The following LYPLAL1 variants were observed in gnomAD, a reference collection of about 807,000 sequenced individuals.
LYPLAL1 encodes the protein lysophospholipase-like protein 1.
A neutral mutation model predicts 19.7 loss-of-function variants in LYPLAL1; 23 were observed. The ratio of observed to expected loss-of-function variants is 1.17; its 90% CI spans 0.84 to 1.65. The LOEUF is 1.65. Ranked by LOEUF, LYPLAL1 falls within the 40% of genes most tolerant of loss-of-function variation. LYPLAL1 has a pLI of 0.00. For missense variants in LYPLAL1, 355 were observed against 279.4 expected (o/e 1.27, Z -1.93); for synonymous variants, 119 against 96.3 (o/e 1.24, Z -1.38).
the LYPLAL1 span, among the ~76,000 whole-genome samples, chr1:219,387,076 C>T: frequency 6.6e-6 from 1 of 152,076 alleles, no homozygotes; most frequent in Non-Finnish European, 1.5e-5. Flanking sequence ...TCTCAAAATC[C>T]TGCATAATCT....
Position 219,190,395 on chromosome 1 carries a change from T to C in LYPLAL1, c.192-2687T>C, listed in dbSNP as rs1657060494. Among the ~76,000 whole-genome samples the C allele has an allele frequency of 3.3e-5, 5 of 151,602 alleles. No individual in the cohort carries two copies. In the South Asian group the frequency reaches 1.0e-3, roughly 31 times the overall value. ...ATAGCACAAGCACAATTGACTATCA[T>C]ATGGGATAAAATGAATTTGAATCCT... On this transcript the variant is annotated intron_variant, in intron 2 of 4. Coordinates refer to ENST00000366928, the MANE Select transcript of LYPLAL1 (RefSeq NM_138794.5).
the LYPLAL1 span, among the ~76,000 whole-genome samples, chr1:219,337,428 T>C: frequency 6.6e-6 from 1 of 152,036 alleles, no homozygotes; most frequent in African/African-American, 2.4e-5. Flanking sequence ...AAACACATAG[T>C]GTAACCCATA....
Position 219,211,590 on chromosome 1 carries a change from A to G in LYPLAL1, c.576A>G (p.Ser192=), listed in dbSNP as rs1659048462. The G allele has an allele frequency of 6.2e-7, 1 of 1,613,306 alleles. No homozygotes were observed. The highest frequency in any genetic ancestry group is 8.5e-7 in the Non-Finnish European group (1 of 1,179,530). ...ATTCTTGGGCAGAAGAGACAAACTC[A>G]ATGTTAAAATCTCTAGGAGTGACCA... ...VLHSWAEETN[S]MLKSLGVTTK... Residue 192 remains serine (S), a synonymous_variant, in exon 5 of 5, where the codon TCA becomes TCG. Coordinates refer to ENST00000366928, the MANE Select transcript of LYPLAL1 (RefSeq NM_138794.5).
At chr1:219,186,941 T>A (rs554785879) in intron 2 of LYPLAL1, among the ~76,000 whole-genome samples, 1 of 151,926 alleles carries the variant, frequency 6.6e-6, no homozygotes, top group East Asian at 1.9e-4. Context: ...TTATTCGTTT[T>A]TTAATACACC....
At chr1:219,374,387 C>G in the LYPLAL1 span, among the ~76,000 whole-genome samples, 1 of 151,978 alleles carries the variant, frequency 6.6e-6, no homozygotes, top group Admixed American at 6.6e-5. Context: ...ACGTCCAGTG[C>G]CTGGGACCTA....
At chr1:219,282,299 T>A in the LYPLAL1 span, among the ~76,000 whole-genome samples, 1 of 150,846 alleles carries the variant, frequency 6.6e-6, no homozygotes, top group African/African-American at 2.4e-5. Context: ...AGAACAAAAA[T>A]TAAAGAAGAG....
chr1:219,212,544 A>G lies in LYPLAL1; in HGVS notation c.*816A>G. 1 of 152,172 alleles carries G rather than the reference A, an allele frequency of 6.6e-6. No homozygotes were observed. The highest frequency in any genetic ancestry group is 2.4e-5 in the African/African-American group (1 of 41,542). The allele number at this position is 152,172 out of a possible 1,614,324, so 9.4% of individuals were successfully genotyped here. On this transcript the variant is annotated 3_prime_UTR_variant, in exon 5 of 5. Transcript: ENST00000366928. Reference sequence around the variant, plus strand: ...TTACTTCAATGAAAATACTATAAATAATAACATTTTCATATATTAGTTGGT... The same window carrying G: ...TTACTTCAATGAAAATACTATAAATGATAACATTTTCATATATTAGTTGGT...
intron 1 of LYPLAL1, among the ~76,000 whole-genome samples, chr1:219,177,519 C>CA (rs1361345464): frequency 1.3e-5 from 2 of 152,162 alleles, no homozygotes; most frequent in African/African-American, 2.4e-5. Context: ...ACCTCACACT[C>CA]AACCTGTGTA....
chr1:219,300,464 A>T, the LYPLAL1 span, among the ~76,000 whole-genome samples: 2 of 151,958 alleles, frequency 1.3e-5, no homozygotes, highest in African/African-American at 4.8e-5. Flanking sequence ...ACAGGTGGAA[A>T]AGAGATTTAT....
chr1:219,426,414 C>T, the LYPLAL1 span, among the ~76,000 whole-genome samples: 1 of 152,042 alleles, frequency 6.6e-6, no homozygotes, highest in Admixed American at 6.6e-5. Context: ...AATTGTATGA[C>T]TGAGATTTTG....
downstream of LYPLAL1, among the ~76,000 whole-genome samples, chr1:219,217,137 T>C (rs1659317677): frequency 6.6e-6 from 1 of 152,174 alleles, no homozygotes; most frequent in South Asian, 2.1e-4. Context: ...ATGTTTTATC[T>C]TGACCATATT....
the LYPLAL1 span, among the ~76,000 whole-genome samples, chr1:219,285,694 G>C: frequency 6.6e-6 from 1 of 152,222 alleles, no homozygotes; most frequent in African/African-American, 2.4e-5. Flanking sequence ...TAGTAGATCA[G>C]TCGTTGCCTT....
chr1:219,230,256 GC>G, the LYPLAL1 span, among the ~76,000 whole-genome samples: 16 of 152,244 alleles, frequency 1.1e-4, no homozygotes, highest in South Asian at 2.9e-3. Flanking sequence ...GGGACTACAG[GC>G]GCCTGCTACC....
the LYPLAL1 span, among the ~76,000 whole-genome samples, chr1:219,332,043 G>A: frequency 1.3e-5 from 2 of 152,166 alleles, no homozygotes; most frequent in Non-Finnish European, 2.9e-5. Flanking sequence ...ATTTTACAGA[G>A]ATTTGTAAAT....
the LYPLAL1 span, among the ~76,000 whole-genome samples, chr1:219,363,864 A>G: frequency 6.6e-6 from 1 of 152,266 alleles, no homozygotes; most frequent in Non-Finnish European, 1.5e-5. Flanking sequence ...TACACAGTTT[A>G]GTGGGGAAAA....
At chr1:219,305,686 CAG>C in the LYPLAL1 span, among the ~76,000 whole-genome samples, 26 of 152,164 alleles carry the variant, frequency 1.7e-4, no homozygotes, top group Non-Finnish European at 3.5e-4. Flanking sequence ...CGTTTACAAA[CAG>C]AAATTTGTTG....
intron 3 of LYPLAL1, 103 bp downstream of exon 3, chr1:219,193,354 C>G (rs374068933): frequency 1.3e-6 from 1 of 773,898 alleles, no homozygotes; most frequent in African/African-American, 1.7e-5. Context: ...GTATATCATT[C>G]GATGCATTCA....
the LYPLAL1 span, among the ~76,000 whole-genome samples, chr1:219,261,414 A>G: frequency 0.23 from 35,302 of 152,082 alleles, 4,381 homozygotes; most frequent in African/African-American, 0.29. Context: ...AAGGAATATT[A>G]TAGTCAGTTG....
chr1:219,439,891 A>G, the LYPLAL1 span, among the ~76,000 whole-genome samples: 1 of 150,694 alleles, frequency 6.6e-6, no homozygotes, highest in East Asian at 1.9e-4. Context: ...AAACCCAACT[A>G]GACATTGCTT....
Sources: allele counts gnomAD v4.1 joint callset (sites outside exome capture counted in the v4.1 genomes callset), GRCh38; gene constraint gnomAD v4.1.1; transcripts MANE v1.5; gene names NCBI Gene and HGNC (gene_info 2026-07-23, HGNC 2026-07-21).